The following SPAG16 variants were observed in gnomAD, a reference collection of about 807,000 sequenced individuals.
SPAG16 encodes sperm-associated antigen 16 protein.
SPAG16 carries 86 observed loss-of-function variants against 80.4 expected under a neutral mutation model. The observed-to-expected ratio is 1.07, with a 90% CI of 0.90 to 1.28. The LOEUF (loss-of-function observed/expected upper bound fraction) is 1.28. Ranked by LOEUF, SPAG16 falls within the 50% of genes most tolerant of loss-of-function variation. The pLI, the probability that SPAG16 is intolerant of heterozygous loss-of-function variation, is 0.00. For missense variants in SPAG16, 870 were observed against 765.3 expected, an observed-to-expected ratio of 1.14 and a Z score of -1.61; for synonymous variants, 294 against 265.9, an observed-to-expected ratio of 1.11 and a Z score of -1.03.
chr2:213,840,828 G>A (rs938482986), intron 10 of SPAG16, among the ~76,000 whole-genome samples: 1 of 152,142 alleles, frequency 6.6e-6, no homozygotes, highest in Admixed American at 6.5e-5. Flanking sequence ...TATAGTGTGT[G>A]TTAGTGTCCT....
At chr2:213,785,840 C>CT (rs1180170441) in intron 10 of SPAG16, among the ~76,000 whole-genome samples, 1 of 152,022 alleles carries the variant, frequency 6.6e-6, no homozygotes, top group Non-Finnish European at 1.5e-5. Flanking sequence ...AACCCCGTCT[C>CT]TACTAACAAT....
At chr2:213,737,734 C>T (rs1456062272) in intron 10 of SPAG16, among the ~76,000 whole-genome samples, 1 of 151,990 alleles carries the variant, frequency 6.6e-6, no homozygotes, top group Non-Finnish European at 1.5e-5. Context: ...GTGATCAGCC[C>T]GCCTCGGCCT....
At chr2:213,311,465 AT>A (rs2063183271) in intron 4 of SPAG16, among the ~76,000 whole-genome samples, 1 of 151,672 alleles carries the variant, frequency 6.6e-6, no homozygotes, top group African/African-American at 2.4e-5. Context: ...ACTGTTAACA[AT>A]TCGGTGACTA....
At chr2:214,300,725 C>A (rs545267977) in intron 15 of SPAG16, among the ~76,000 whole-genome samples, 57 of 151,898 alleles carry the variant, frequency 3.8e-4, no homozygotes, top group African/African-American at 1.2e-3. Flanking sequence ...AATAAAAATC[C>A]TGAACAGACA....
chr2:213,617,021 T>C (rs2061618313), intron 10 of SPAG16, among the ~76,000 whole-genome samples: 1 of 152,080 alleles, frequency 6.6e-6, no homozygotes, highest in Non-Finnish European at 1.5e-5. Context: ...GCACAGGTCA[T>C]GTGTTGGTCC....
intron 13 of SPAG16, among the ~76,000 whole-genome samples, chr2:214,061,428 C>T (rs1052483016): frequency 3.9e-5 from 6 of 152,136 alleles, no homozygotes; most frequent in Non-Finnish European, 7.3e-5. Flanking sequence ...TATACATATA[C>T]TTTAAGAATT....
chr2:214,325,783 A>G (rs552651112), intron 15 of SPAG16, among the ~76,000 whole-genome samples: 1 of 152,214 alleles, frequency 6.6e-6, no homozygotes, highest in South Asian at 2.1e-4. Context: ...ATGACATCCA[A>G]TACTTTTTCA....
At chr2:213,668,842 G>T (rs1465786103) in intron 10 of SPAG16, among the ~76,000 whole-genome samples, 1 of 151,972 alleles carries the variant, frequency 6.6e-6, no homozygotes, top group Non-Finnish European at 1.5e-5. Context: ...TAAAGACGGG[G>T]TTTCACTGTG....
chr2:213,654,373 G>T (rs2063135160), intron 10 of SPAG16, among the ~76,000 whole-genome samples: 1 of 151,804 alleles, frequency 6.6e-6, no homozygotes, highest in Admixed American at 6.6e-5. Context: ...TTGTTTGTTT[G>T]TTTGTTTGTT....
intron 10 of SPAG16, among the ~76,000 whole-genome samples, chr2:213,539,884 T>G (rs1157949210): frequency 2.0e-5 from 3 of 152,178 alleles, no homozygotes. Context: ...ATAATGAGTC[T>G]TTTAATTTCA....
intron 12 of SPAG16, among the ~76,000 whole-genome samples, chr2:213,943,960 C>A (rs2079326657): frequency 6.6e-6 from 1 of 152,184 alleles, no homozygotes; most frequent in Non-Finnish European, 1.5e-5. Flanking sequence ...CACTACAGCA[C>A]TGGACCATAG....
intron 13 of SPAG16, among the ~76,000 whole-genome samples, chr2:214,105,050 C>T (rs1371185721): frequency 6.6e-6 from 1 of 152,102 alleles, no homozygotes; most frequent in Non-Finnish European, 1.5e-5. Flanking sequence ...TCCATTCTCT[C>T]TTTGTGCTTA....
intron 12 of SPAG16, among the ~76,000 whole-genome samples, chr2:214,013,409 T>G (rs756181745): frequency 6.6e-6 from 1 of 152,102 alleles, no homozygotes; most frequent in Non-Finnish European, 1.5e-5. Flanking sequence ...ATAGTCACCC[T>G]ACTGTGCAAC....
intron 13 of SPAG16, among the ~76,000 whole-genome samples, chr2:214,024,377 T>C (rs538409959): frequency 6.6e-6 from 1 of 151,640 alleles, no homozygotes; most frequent in African/African-American, 2.4e-5. Flanking sequence ...GATTATGATC[T>C]AGAAGGGTAT....
intron 10 of SPAG16, among the ~76,000 whole-genome samples, chr2:213,588,553 A>G (rs1340875681): frequency 6.6e-6 from 1 of 151,474 alleles, no homozygotes; most frequent in African/African-American, 2.4e-5. Flanking sequence ...CTGTAATCCC[A>G]GCACTTTGGG....
At chr2:214,368,255 C>A (rs1024149512) in intron 15 of SPAG16, among the ~76,000 whole-genome samples, 2 of 152,064 alleles carry the variant, frequency 1.3e-5, no homozygotes, top group Non-Finnish European at 2.9e-5. Context: ...CTTCTTTACT[C>A]ACACCTGCAA....
At chr2:213,629,390 A>G (rs1262494923) in intron 10 of SPAG16, among the ~76,000 whole-genome samples, 5 of 152,234 alleles carry the variant, frequency 3.3e-5, no homozygotes, top group Non-Finnish European at 7.3e-5. Flanking sequence ...TTAAAATGTG[A>G]ATAATAGTGA....
At position 213,980,878 on chromosome 2, in the gene SPAG16, C is replaced by G. The variant is rs2045713202; in HGVS notation, c.1401-33073C>G. On this transcript the variant is annotated intron_variant, in intron 12 of 15. Transcript: ENST00000331683. ...GAGCCGAGATCACACCACTGCACTA[C>G]AGTCTAGGTGACAGAGCAAGACTCT... 2.0e-5 allele frequency among the ~76,000 whole-genome samples: 3 copies of G among 150,962 alleles called. No homozygotes were observed. The South Asian group carries it at 6.3e-4, about 32-fold the overall frequency.
chr2:213,744,783 T>C (rs16850844), intron 10 of SPAG16, among the ~76,000 whole-genome samples: 3,516 of 152,292 alleles, frequency 0.023, 136 homozygotes, highest in African/African-American at 0.08. Flanking sequence ...GGATACATAG[T>C]TTGGCATATG....
Sources: allele counts gnomAD v4.1 joint callset (sites outside exome capture counted in the v4.1 genomes callset), GRCh38; gene constraint gnomAD v4.1.1; transcripts MANE v1.5; gene names NCBI Gene and HGNC (gene_info 2026-07-23, HGNC 2026-07-21).